Variants in AKR1B15 observed in about 807,000 individuals in gnomAD.
AKR1B15 encodes aldo-keto reductase family 1 member B15, also known as estradiol 17-beta-dehydrogenase AKR1B15.
A neutral mutation model predicts 38.5 loss-of-function variants in AKR1B15; 49 were observed. The ratio of observed to expected loss-of-function variants is 1.27; its 90% CI spans 1.01 to 1.62. The LOEUF is 1.62. Among genes scored for constraint, AKR1B15 ranks in the 40% most tolerant of loss-of-function variants. The pLI is 0.00. For missense variants in AKR1B15, 411 were observed against 381.6 expected (o/e 1.08, Z -0.64); for synonymous variants, 137 against 135.5 (o/e 1.01, Z -0.08).
intron 5 of AKR1B15, chr7:134,570,589 G>C (rs547020623): frequency 2.0e-5 from 3 of 152,128 alleles, no homozygotes; most frequent in Non-Finnish European, 4.4e-5. Flanking sequence ...CAACACTTAG[G>C]GAAATAGAAA....
In AKR1B15 at chr7:134,566,480, C is replaced by A. The variant is rs115748718; in HGVS notation, c.151-1678C>A. On this transcript the variant is annotated intron_variant, in intron 3 of 11. Transcript: ENST00000457545. ...ACCCGGCTGTTTTTATGACAGCTGG[C>A]AAAACACGCTAAGGCACATTGAGGA... 6.9e-3 allele frequency among the ~76,000 whole-genome samples: 1,053 copies of A among 152,240 alleles called. 12 individuals are homozygous for A. Among genetic ancestry groups the A allele is most frequent in the African/African-American group, 0.024 (990 of 41,542 alleles).
intron 1 of AKR1B15, among the ~76,000 whole-genome samples, chr7:134,556,055 T>C (rs1310788224): frequency 6.6e-6 from 1 of 152,210 alleles, no homozygotes; most frequent in African/African-American, 2.4e-5. Context: ...TATTACAGCA[T>C]GTCATAGGGA....
At chr7:134,570,649 A>G (rs766372884) in intron 5 of AKR1B15, among the ~76,000 whole-genome samples, 2 of 152,184 alleles carry the variant, frequency 1.3e-5, no homozygotes, top group Non-Finnish European at 2.9e-5. Flanking sequence ...TTCACCCAAT[A>G]CTGAGCAGGT....
chr7:134,571,758 G>A, intron 6 of AKR1B15, 77 bp downstream of exon 6: 1 of 1,131,776 alleles, frequency 8.8e-7, no homozygotes, highest in Non-Finnish European at 1.3e-6. Flanking sequence ...ATATGAAAGA[G>A]GCCATGTGCC....
At chr7:134,568,365 G>A in intron 4 of AKR1B15, 40 bp downstream of exon 4, 1 of 1,608,494 alleles carries the variant, frequency 6.2e-7, no homozygotes, top group African/African-American at 1.3e-5. Context: ...TCACTTCAAG[G>A]CAGGCAGAAG....
rs780571080 is a variant in AKR1B15 at position 134,569,393 on chromosome 7, C to G, written c.319-20C>G. 6.2e-7 allele frequency: 1 copy of G among 1,613,324 alleles called. No individual in the cohort carries two copies. Among genetic ancestry groups the G allele is most frequent in the Non-Finnish European group, 8.5e-7 (1 of 1,179,398 alleles). On this transcript the variant is annotated intron_variant, in intron 4 of 11. Coordinates refer to ENST00000457545, the MANE Select transcript of AKR1B15 (RefSeq NM_001080538.3). ...CTTCCTTTTCCCAGTATTACTAGCT[C>G]ATTGCTACACTCTTTGCAGGTGTGG...
chr7:134,557,654 TTCTTATTACTGTTTCTGTAACCATTTA>T (rs145820581), intron 2 of AKR1B15, among the ~76,000 whole-genome samples: 53,059 of 151,916 alleles, frequency 0.35, 9,736 homozygotes, highest in Non-Finnish European at 0.41. Context: ...ACTGTTTATT[TTCTTATTACTGTTTCTGTAACCATTTA>T]TCTTTCAACT....
At position 134,575,318 on chromosome 7, in the gene AKR1B15, C is replaced by T. The variant is rs766138823; in HGVS notation, c.514-102C>T. 3.9e-5 allele frequency: 59 copies of T among 1,501,496 alleles called. No individual in the cohort carries two copies. In the Middle Eastern group the frequency reaches 6.6e-4, roughly 17 times the overall value. The allele number at this position is 1,501,496 out of a possible 1,614,324, so 93.0% of individuals were successfully genotyped here. ...GTGAATGCTTCAGCTAACTCTGTTG[C>T]GGTGGATCCTTTAGCAATTTCTGCC... On this transcript the variant is annotated intron_variant, in intron 6 of 11. Coordinates refer to ENST00000457545, the MANE Select transcript of AKR1B15 (RefSeq NM_001080538.3).
intron 11 of AKR1B15, 90 bp from the exon 12 acceptor site, chr7:134,579,417 C>A: frequency 8.6e-7 from 1 of 1,160,606 alleles, no homozygotes; most frequent in South Asian, 1.6e-5. Context: ...CCACAAATAC[C>A]ACAGAGTCCA....
At chr7:134,550,447 T>A (rs371612121) in intron 1 of AKR1B15, among the ~76,000 whole-genome samples, 2 of 152,126 alleles carry the variant, frequency 1.3e-5, no homozygotes, top group East Asian at 3.9e-4. Flanking sequence ...CCAAAGTTAT[T>A]TGGGATATAA....
At position 134,557,283 on chromosome 7, in the gene AKR1B15, T is replaced by C. The variant is rs569877439; in HGVS notation, c.-23+424T>C. Reference sequence around the variant, plus strand: ...ATTTTGTAAAGCAACGCATAGCTTCTGTCAATCTTATGTATCTTAGAACCC... The same window carrying C: ...ATTTTGTAAAGCAACGCATAGCTTCCGTCAATCTTATGTATCTTAGAACCC... On this transcript the variant is annotated intron_variant, in intron 2 of 11. Coordinates refer to ENST00000457545, the MANE Select transcript of AKR1B15 (RefSeq NM_001080538.3). Among the ~76,000 whole-genome samples, 4 of 152,300 alleles carry C rather than the reference T, an allele frequency of 2.6e-5. No individual in the cohort carries two copies. The South Asian group carries it at 6.2e-4, about 24-fold the overall frequency.
Position 134,575,900 on chromosome 7 carries a change from G to C in AKR1B15, c.716G>C (p.Ser239Thr), listed in dbSNP as rs2117671135. 1 of 1,613,748 alleles carries C rather than the reference G, an allele frequency of 6.2e-7. No homozygotes were observed. Among genetic ancestry groups the C allele is most frequent in the East Asian group, 2.2e-5 (1 of 44,820 alleles). ...HSKGITVTAY[S>T]PLGSPDRPWA... ...AAGGGCATCACCGTTACGGCCTACA[G>C]CCCCCTGGGCTCTCCGGATAGACCT... Residue 239 changes from serine to threonine, a missense_variant, in exon 8 of 12, where the codon AGC (serine) becomes ACC (threonine). Transcript: ENST00000457545.
At chr7:134,575,303 C>G (rs1284705168) in intron 6 of AKR1B15, 117 bp from the exon 7 acceptor site, 2 of 1,456,500 alleles carry the variant, frequency 1.4e-6, no homozygotes, top group Admixed American at 5.3e-5. Context: ...GTGAATGCTT[C>G]AGCTAACTCT....
At chr7:134,553,290 AAAG>A (rs1390068303) in intron 1 of AKR1B15, among the ~76,000 whole-genome samples, 1 of 152,232 alleles carries the variant, frequency 6.6e-6, no homozygotes, top group Non-Finnish European at 1.5e-5. Flanking sequence ...TTGGACTGAC[AAAG>A]AAGAACAGGC....
chr7:134,579,482 T>G, intron 11 of AKR1B15, 25 bp from the exon 12 acceptor site: 1 of 1,023,976 alleles, frequency 9.8e-7, no homozygotes, highest in Non-Finnish European at 1.3e-6. Context: ...ACACAGTTTC[T>G]TTTTTTTTTT....
At chr7:134,571,306 G>A (rs1794662285) in intron 5 of AKR1B15, among the ~76,000 whole-genome samples, 1 of 152,208 alleles carries the variant, frequency 6.6e-6, no homozygotes, top group Non-Finnish European at 1.5e-5. Flanking sequence ...TTGCCCTTGG[G>A]TGTGTATAGG....
chr7:134,564,062 C>T (rs1468439526), intron 2 of AKR1B15, among the ~76,000 whole-genome samples: 1 of 152,126 alleles, frequency 6.6e-6, no homozygotes, highest in Non-Finnish European at 1.5e-5. Flanking sequence ...TAACATTGCC[C>T]CAGGAAATCA....
chr7:134,567,891 T>C (rs1420658693), intron 3 of AKR1B15, among the ~76,000 whole-genome samples: 1 of 152,190 alleles, frequency 6.6e-6, no homozygotes, highest in African/African-American at 2.4e-5. Context: ...TGAAAACTTT[T>C]CTAAACTGTG....
At chr7:134,577,890 A>C (rs1794800142) in intron 11 of AKR1B15, 104 bp downstream of exon 11, 1 of 1,342,864 alleles carries the variant, frequency 7.4e-7, no homozygotes, top group Non-Finnish European at 1.0e-6. Flanking sequence ...TTGTGTCTTC[A>C]AATACTATTT....
Sources: gnomAD v4.1 joint callset for allele counts (sites outside exome capture counted in the v4.1 genomes callset) on GRCh38, gnomAD v4.1.1 for gene constraint, MANE v1.5 for transcripts, NCBI Gene and HGNC (gene_info 2026-07-23, HGNC 2026-07-21) for gene names.